The following CYTH3 variants were observed in gnomAD, a reference collection of about 807,000 sequenced individuals.
The protein encoded by CYTH3 is cytohesin 3, also known as cytohesin-3.
Under a neutral mutation model 55.1 loss-of-function variants are expected in CYTH3, and 23 were observed. The ratio of observed to expected loss-of-function variants is 0.42; its 90% CI spans 0.30 to 0.59. The LOEUF is 0.59. Ranked by LOEUF, CYTH3 falls within the 20% of genes least tolerant of loss-of-function variation. CYTH3 has a pLI of 0.20. For missense variants in CYTH3, 413 were observed against 524.8 expected (o/e 0.79, Z 2.08); for synonymous variants, 249 against 194.9 (o/e 1.28, Z -2.31).
intron 1 of CYTH3, among the ~76,000 whole-genome samples, chr7:6,255,956 G>C (rs1374884918): frequency 6.6e-6 from 1 of 151,714 alleles, no homozygotes; most frequent in Non-Finnish European, 1.5e-5. Context: ...GTAGAGACAG[G>C]GTTTCACTGT....
At chr7:6,218,426 C>T (rs966062694) in intron 1 of CYTH3, among the ~76,000 whole-genome samples, 3 of 152,150 alleles carry the variant, frequency 2.0e-5, no homozygotes, top group African/African-American at 7.2e-5. Flanking sequence ...AGATGGAGCA[C>T]GGCCCATTGG....
intron 1 of CYTH3, among the ~76,000 whole-genome samples, chr7:6,260,018 C>G (rs993816647): frequency 6.7e-6 from 1 of 148,782 alleles, no homozygotes; most frequent in African/African-American, 2.5e-5. Context: ...TTAGTAGAAA[C>G]AGGGTTTCTC....
intron 1 of CYTH3, among the ~76,000 whole-genome samples, chr7:6,193,359 A>G (rs1167601703): frequency 6.6e-6 from 1 of 151,498 alleles, no homozygotes. Context: ...CCTGGGCGAC[A>G]GAGCAAGACT....
intron 1 of CYTH3, among the ~76,000 whole-genome samples, chr7:6,223,149 G>A (rs568478497): frequency 2.6e-5 from 4 of 152,122 alleles, no homozygotes; most frequent in South Asian, 2.1e-4. Context: ...GCCTCTGCCC[G>A]GCCGCCCCGT....
chr7:6,181,192 T>TA (rs999291720), intron 4 of CYTH3, among the ~76,000 whole-genome samples: 2 of 152,088 alleles, frequency 1.3e-5, no homozygotes, highest in Non-Finnish European at 2.9e-5. Flanking sequence ...AATTTGGACT[T>TA]AAAAAAAATC....
intron 4 of CYTH3, among the ~76,000 whole-genome samples, chr7:6,179,720 AC>A (rs1783437720): frequency 4.5e-5 from 4 of 88,358 alleles, no homozygotes; most frequent in Admixed American, 1.4e-4. Context: ...CACCCCACAC[AC>A]CACACACACA....
intron 1 of CYTH3, among the ~76,000 whole-genome samples, chr7:6,236,403 T>A (rs930840088): frequency 6.8e-6 from 1 of 147,068 alleles, no homozygotes; most frequent in Non-Finnish European, 1.5e-5. Context: ...ACAGACAGGG[T>A]CTTGCTATGT....
At chr7:6,172,525 A>ATCCTCAGGGCAGC (rs536176565) in intron 6 of CYTH3, among the ~76,000 whole-genome samples, 123 of 152,174 alleles carry the variant, frequency 8.1e-4, no homozygotes, top group Non-Finnish European at 1.4e-3. Flanking sequence ...AAAAGCTAAC[A>ATCCTCAGGGCAGC]TCCTCAGGGC....
chr7:6,165,062 C>G (rs2301911), intron 12 of CYTH3, 46 bp from the exon 13 acceptor site: 139,371 of 1,608,128 alleles, frequency 0.087, 18,076 homozygotes, highest in East Asian at 0.7. Flanking sequence ...GGGTGACACA[C>G]AGACCTCCCC....
intron 1 of CYTH3, among the ~76,000 whole-genome samples, chr7:6,258,959 T>C (rs1780205774): frequency 6.6e-6 from 1 of 152,190 alleles, no homozygotes; most frequent in African/African-American, 2.4e-5. Context: ...GAAAACAAGA[T>C]TGTTTTTACT....
At chr7:6,268,292 C>T (rs569305126) in intron 1 of CYTH3, among the ~76,000 whole-genome samples, 46 of 152,286 alleles carry the variant, frequency 3.0e-4, no homozygotes, top group African/African-American at 1.0e-3. Context: ...CTCAGCCTCC[C>T]GCGTAGCTGA....
Position 6,164,699 on chromosome 7 carries a change from C to G in CYTH3, c.*245G>C, listed in dbSNP as rs746948126. On this transcript the variant is annotated 3_prime_UTR_variant, in exon 13 of 13. Transcript: ENST00000350796. Reference sequence around the variant, plus strand: ...CCATGACCCCAGCCACGGCAGGAGGCCTCGAGGATCAGTCTGGGCCACGGT... The same window carrying G: ...CCATGACCCCAGCCACGGCAGGAGGGCTCGAGGATCAGTCTGGGCCACGGT... 1.6e-5 allele frequency: 9 copies of G among 561,936 alleles called. No individual in the cohort carries two copies. The highest frequency in any genetic ancestry group is 1.3e-5 in the Non-Finnish European group (4 of 316,504). 34.8% of individuals were successfully genotyped at this position (561,936 alleles called of 1,614,324 possible).
intron 1 of CYTH3, among the ~76,000 whole-genome samples, chr7:6,236,967 A>G (rs1243301006): frequency 6.6e-6 from 1 of 152,232 alleles, no homozygotes; most frequent in Non-Finnish European, 1.5e-5. Context: ...AAAGACTCTC[A>G]TGGTCAGTAG....
intron 1 of CYTH3, among the ~76,000 whole-genome samples, chr7:6,241,322 T>C (rs1051810425): frequency 2.6e-5 from 4 of 152,066 alleles, no homozygotes; most frequent in Non-Finnish European, 5.9e-5. Context: ...ACCCAACAGA[T>C]AAATGGGCAT....
chr7:6,270,673 A>C (rs1267144868), intron 1 of CYTH3, among the ~76,000 whole-genome samples: 1 of 152,060 alleles, frequency 6.6e-6, no homozygotes, highest in Non-Finnish European at 1.5e-5. Context: ...GCTGTTTCCA[A>C]TTTTTTGCTA....
chr7:6,261,731 C>A (rs908096707), intron 1 of CYTH3, among the ~76,000 whole-genome samples: 19 of 149,508 alleles, frequency 1.3e-4, no homozygotes, highest in South Asian at 6.4e-4. Context: ...AAGTGATATT[C>A]CCTTACTTTA....
At chr7:6,175,148 T>C (rs1783310634) in intron 5 of CYTH3, among the ~76,000 whole-genome samples, 1 of 152,216 alleles carries the variant, frequency 6.6e-6, no homozygotes, top group African/African-American at 2.4e-5. Context: ...ATTTCTATTT[T>C]TTGTAGAGGC....
chr7:6,259,805 ATAT>A (rs1177662698), intron 1 of CYTH3, among the ~76,000 whole-genome samples: 4 of 25,706 alleles, frequency 1.6e-4, no homozygotes, highest in African/African-American at 1.2e-3. Flanking sequence ...ATATATATAT[ATAT>A]ATATAATATA....
At chr7:6,245,781 G>A (rs776969240) in intron 1 of CYTH3, among the ~76,000 whole-genome samples, 1 of 152,206 alleles carries the variant, frequency 6.6e-6, no homozygotes, top group Non-Finnish European at 1.5e-5. Flanking sequence ...GTGCACGCCT[G>A]TAATCCCAGC....
Sources: gnomAD v4.1 joint callset for allele counts (sites outside exome capture counted in the v4.1 genomes callset) on GRCh38, gnomAD v4.1.1 for gene constraint, MANE v1.5 for transcripts, NCBI Gene and HGNC (gene_info 2026-07-23, HGNC 2026-07-21) for gene names.